The following CBR4 variants were observed in gnomAD, a reference collection of about 807,000 sequenced individuals.
CBR4 encodes the protein 3-oxoacyl-[acyl-carrier-protein] reductase.
A neutral mutation model predicts 21.0 loss-of-function variants in CBR4; 22 were observed. The observed-to-expected ratio is 1.05, with a 90% CI of 0.75 to 1.50. The LOEUF (loss-of-function observed/expected upper bound fraction) is 1.50, where lower values mean the gene tolerates loss of function less well. CBR4 is among the 40% of genes most tolerant of loss of function. The pLI is 0.00. For synonymous variants in CBR4, 100 were observed against 104.4 expected, an observed-to-expected ratio of 0.96 and a Z score of 0.26; for missense variants, 302 against 286.3, an observed-to-expected ratio of 1.05 and a Z score of -0.40.
intron 2 of CBR4, among the ~76,000 whole-genome samples, chr4:168,970,938 G>A (rs932891105): frequency 2.6e-5 from 4 of 152,010 alleles, no homozygotes; most frequent in Non-Finnish European, 5.9e-5. Context: ...CTATAAACAT[G>A]CGTGTGCATG....
chr4:168,997,294 T>C (rs962676857), intron 4 of CBR4, among the ~76,000 whole-genome samples: 1 of 152,208 alleles, frequency 6.6e-6, no homozygotes, highest in African/African-American at 2.4e-5. Flanking sequence ...TAAACCAATT[T>C]AGAGCAAAGA....
At chr4:168,997,009 G>A (rs937852973) in intron 4 of CBR4, among the ~76,000 whole-genome samples, 13 of 151,912 alleles carry the variant, frequency 8.6e-5, no homozygotes, top group East Asian at 1.9e-4. Context: ...ATTACTTTCC[G>A]GTCTGTGCTC....
At chr4:168,992,102 T>C (rs1021661706) in intron 4 of CBR4, among the ~76,000 whole-genome samples, 5 of 152,254 alleles carry the variant, frequency 3.3e-5, no homozygotes, top group Admixed American at 3.3e-4. Flanking sequence ...TATCTACGCA[T>C]TTTCTTAAAA....
At chr4:168,986,491 T>C (rs146884412), downstream of CBR4, among the ~76,000 whole-genome samples, 778 of 152,356 alleles carry the variant, frequency 5.1e-3, 7 homozygotes, top group Admixed American at 5.7e-3. Flanking sequence ...TAAGTCTGCT[T>C]GACCCCACCA....
rs1560971396 is a variant in CBR4 at position 168,972,422 on chromosome 4, T to C, written n.169+29649A>G. 5.3e-5 allele frequency among the ~76,000 whole-genome samples: 8 copies of C among 152,238 alleles called. No individual in the cohort carries two copies. In the South Asian group the frequency reaches 1.7e-3, roughly 31 times the overall value. ...TCTACACAGCCATGAGCATGGGATG[T>C]GTTTCCATTCGTTTGTGTCATCTAT... On this transcript the variant is annotated intron_variant and non_coding_transcript_variant, in intron 2 of 3. Coordinates refer to the CBR4 transcript ENST00000509108.
At chr4:168,914,091 AATC>A in intron 2 of CBR4, 1 of 948,062 alleles carries the variant, frequency 1.1e-6, no homozygotes, top group South Asian at 1.3e-5. Context: ...GTACTATTAG[AATC>A]ATCATATGAC....
intron 2 of CBR4, 103 bp downstream of exon 2, chr4:169,007,533 G>T: frequency 1.5e-6 from 1 of 658,394 alleles, no homozygotes; most frequent in Non-Finnish European, 2.2e-6. Context: ...TTTTCTCCCA[G>T]TTAGAAGCAA....
At chr4:168,894,807 TATC>T (rs1303762973) in intron 2 of CBR4, 79 of 1,462,234 alleles carry the variant, frequency 5.4e-5, no homozygotes, top group Non-Finnish European at 6.3e-5. Flanking sequence ...GCAGTATTAA[TATC>T]ATCAGTCAAC....
intron 2 of CBR4, among the ~76,000 whole-genome samples, chr4:168,948,105 G>T (rs1244901968): frequency 6.6e-6 from 1 of 152,136 alleles, no homozygotes; most frequent in African/African-American, 2.4e-5. Context: ...CTGTGGTTTT[G>T]ATTTGCATTT....
intron 2 of CBR4, among the ~76,000 whole-genome samples, chr4:168,934,800 GAA>G (rs1763063923): frequency 6.6e-6 from 1 of 151,994 alleles, no homozygotes; most frequent in African/African-American, 2.4e-5. Context: ...TCCAAAAATT[GAA>G]GAGAAGGGAA....
intron 2 of CBR4, among the ~76,000 whole-genome samples, chr4:168,910,569 A>G (rs1758722482): frequency 1.3e-5 from 2 of 152,224 alleles, no homozygotes; most frequent in African/African-American, 4.8e-5. Flanking sequence ...GAGTGCTACA[A>G]TAATTTAACA....
At chr4:168,976,644 G>A (rs149619799) in intron 2 of CBR4, among the ~76,000 whole-genome samples, 42 of 152,338 alleles carry the variant, frequency 2.8e-4, no homozygotes, top group African/African-American at 9.1e-4. Flanking sequence ...TTTTAAGGGC[G>A]GGGGAAGATA....
rs1225170743 is a variant in CBR4, at chr4:169,009,978, C to G, written c.112G>C (p.Gly38Arg). 3.1e-6 allele frequency: 5 copies of G among 1,613,046 alleles called. No homozygotes were observed. In the Admixed American group the frequency reaches 6.7e-5, roughly 22 times the overall value. The change falls in exon 1 of 5, where the codon GGG (glycine) becomes CGG (arginine). Residue 38 changes from glycine to arginine, a missense_variant. By Grantham distance (125) the Gly-to-Arg change is moderately radical. Coordinates refer to ENST00000306193, the MANE Select transcript of CBR4 (RefSeq NM_032783.5). The part of the protein sequence containing the change: ...RLAVIARNLE[G>R]AKAAAGDLGG... ...AGGTCACCGGCGGCGGCTTTGGCCC[C>G]TTCCAGGTTTCTGGCAATGACCGCC...
intron 2 of CBR4, among the ~76,000 whole-genome samples, chr4:168,900,919 T>C (rs1350486298): frequency 6.6e-6 from 1 of 152,230 alleles, no homozygotes; most frequent in East Asian, 1.9e-4. Flanking sequence ...TTTCAAACCT[T>C]ACACAAGGCT....
chr4:168,898,603 T>C lies in CBR4; in HGVS notation n.170-3838A>G, dbSNP rs1560881726. The C allele has an allele frequency of 1.9e-6, 3 of 1,613,670 alleles. No individual in the cohort carries two copies. The highest frequency in any genetic ancestry group is 2.2e-5 in the East Asian group (1 of 44,880). On this transcript the variant is annotated intron_variant and non_coding_transcript_variant, in intron 2 of 3. Coordinates refer to the CBR4 transcript ENST00000509108. ...ATGAAGTTCAGTATGGAGATGTGCC[T>C]GTGGAAAATGGAATGGCACCATTCT...
chr4:168,988,982 G>A lies in CBR4; in HGVS notation c.*1168C>T, dbSNP rs1764790137. On this transcript the variant is annotated 3_prime_UTR_variant, in exon 5 of 5. Coordinates refer to ENST00000306193, the MANE Select transcript of CBR4 (RefSeq NM_032783.5). ...TATCATACTATTCCCGATAAAAAGA[G>A]TTTAATGCAAAATAATTATTACCTG... 1.0e-6 allele frequency: 1 copy of A among 983,372 alleles called. No individual in the cohort carries two copies. Among genetic ancestry groups the A allele is most frequent in the South Asian group, 4.7e-5 (1 of 21,240 alleles). 60.9% of individuals were successfully genotyped at this position (983,372 alleles called of 1,614,324 possible). A position where few individuals can be genotyped will look rare whatever the true frequency, so the allele number is the denominator to read the frequency against.
chr4:168,975,639 C>G (rs1286576919), intron 2 of CBR4, among the ~76,000 whole-genome samples: 1 of 152,112 alleles, frequency 6.6e-6, no homozygotes, highest in Non-Finnish European at 1.5e-5. Context: ...ATGGGCAGGG[C>G]CACAGAGCTC....
At chr4:168,926,111 G>C in intron 2 of CBR4, 2 of 952,266 alleles carry the variant, frequency 2.1e-6, no homozygotes, top group Non-Finnish European at 3.0e-6. Flanking sequence ...ATGTGTTCAG[G>C]TGCCTTGCAT....
intron 2 of CBR4, among the ~76,000 whole-genome samples, chr4:168,904,642 T>C (rs1357001689): frequency 6.6e-6 from 1 of 151,944 alleles, no homozygotes; most frequent in African/African-American, 2.4e-5. Context: ...TTTACTAAAG[T>C]CTGCAAAAGT....
Sources: gnomAD v4.1 joint callset for allele counts (sites outside exome capture counted in the v4.1 genomes callset) on GRCh38, gnomAD v4.1.1 for gene constraint, MANE v1.5 for transcripts, NCBI Gene and HGNC (gene_info 2026-07-23, HGNC 2026-07-21) for gene names.